Variants in INSRR observed in about 807,000 individuals in gnomAD.
The protein encoded by INSRR is insulin receptor-related protein.
Under a neutral mutation model 130.0 loss-of-function variants are expected in INSRR, and 114 were observed. That is an observed-to-expected ratio of 0.88 (90% CI 0.75 to 1.02). The LOEUF (loss-of-function observed/expected upper bound fraction) is 1.02, where lower values mean the gene tolerates loss of function less well. Among genes scored for constraint, INSRR ranks in the 50% least tolerant of loss-of-function variants. The pLI, the probability that INSRR is intolerant of heterozygous loss-of-function variation, is 0.00. For synonymous variants in INSRR, 674 were observed against 705.2 expected, an observed-to-expected ratio of 0.96 and a Z score of 0.70; for missense variants, 1,657 against 1,735.2, an observed-to-expected ratio of 0.95 and a Z score of 0.80.
Position 156,854,856 on chromosome 1 carries a change from G to A in INSRR, c.86-553C>T, listed in dbSNP as rs1471821345. On this transcript the variant is annotated intron_variant, in intron 1 of 21. Transcript: ENST00000368195. This position sits in a 1 kb window ranked among gnomAD's most constrained non-coding sequence, Gnocchi z 4.2. The stretch of plus-strand genomic sequence containing the variant: ...TGATCTCAAAACACAGATGGATCAC[G>A]TTTCTCCTCTGCTTATAACCCCCCG... Among the ~76,000 whole-genome samples the A allele has an allele frequency of 3.3e-5, 5 of 151,982 alleles. No individual in the cohort carries two copies. In the South Asian group the frequency reaches 6.2e-4, roughly 19 times the overall value.
Position 156,845,614 on chromosome 1 carries a change from C to T in INSRR, c.2174+5G>A. The T allele has an allele frequency of 1.3e-6, 2 of 1,531,852 alleles. No homozygotes were observed. Among genetic ancestry groups the T allele is most frequent in the South Asian group, 1.1e-5 (1 of 88,894 alleles). The allele number at this position is 1,531,852 out of a possible 1,614,324, so 94.9% of individuals were successfully genotyped here. On this transcript the variant is annotated splice_donor_5th_base_variant and intron_variant, in intron 10 of 21. Transcript: ENST00000368195. The stretch of plus-strand genomic sequence containing the variant: ...ACCCTCCCAGGCCGCGCGCGCTCTT[C>T]GCACATGGGGATGGTGATCGCGTTG...
intron 17 of INSRR, 64 bp from the exon 18 acceptor site, chr1:156,842,572 G>T: frequency 8.2e-7 from 1 of 1,215,630 alleles, no homozygotes; most frequent in East Asian, 2.4e-5. Context: ...CCAAAATTCT[G>T]ATCTGCTATG....
chr1:156,856,530 C>G (rs947227363), intron 1 of INSRR, among the ~76,000 whole-genome samples: 9 of 152,190 alleles, frequency 5.9e-5, no homozygotes, highest in Non-Finnish European at 1.3e-4. Flanking sequence ...GTCCTTCAGC[C>G]TCTCGGGTCA....
In INSRR at chr1:156,853,796, C is replaced by A; in HGVS notation, c.593G>T (p.Gly198Val). The stretch of plus-strand genomic sequence containing the variant: ...GGTCCAGCATCTGTAGTCAGTGTGC[C>A]CGCTGAAGGTGGTCTTGGCACAGGG... ...GEPCAKTTFS[G>V]HTDYRCWTSS... is the part of the protein sequence containing the mutation. Residue 198 changes from glycine (G) to valine (V), a missense_variant, in exon 2 of 22, where the codon GGG (glycine) becomes GTG (valine). Physicochemically the swap from Gly to Val is moderately radical, Grantham distance 109. Coordinates refer to ENST00000368195, the MANE Select transcript of INSRR (RefSeq NM_014215.3). The A allele has an allele frequency of 6.2e-7, 1 of 1,610,640 alleles. No homozygotes were observed. The highest frequency in any genetic ancestry group is 8.5e-7 in the Non-Finnish European group (1 of 1,177,446).
At position 156,846,109 on chromosome 1, in the gene INSRR, C is replaced by T. The variant is rs754156567; in HGVS notation, c.1821G>A (p.Val607=). Residue 607 remains valine (V), a synonymous_variant, in exon 9 of 22, where the codon GTG becomes GTA. Coordinates refer to ENST00000368195, the MANE Select transcript of INSRR (RefSeq NM_014215.3). ...TGGACGTGGAGATGACGTCTTGGGG[C>T]ACCGTGGGAGCTAGGAGTGCGAGAA... is the stretch of plus-strand genomic sequence containing the variant. ...YLRTLPAAPT[V]PQDVISTSNS... is the part of the protein sequence containing the mutation. 1 of 1,599,662 alleles carries T rather than the reference C, an allele frequency of 6.3e-7. No individual in the cohort carries two copies. Among genetic ancestry groups the T allele is most frequent in the Non-Finnish European group, 8.5e-7 (1 of 1,172,576 alleles).
In INSRR at chr1:156,845,200, T is replaced by A. The variant is rs777638206; in HGVS notation, c.2313A>T (p.Arg771=). 6.2e-7 allele frequency: 1 copy of A among 1,609,518 alleles called. No individual in the cohort carries two copies. The highest frequency in any genetic ancestry group is 8.5e-7 in the Non-Finnish European group (1 of 1,178,340). The change falls in exon 12 of 22, where the codon CGA becomes CGT. Residue 771 remains arginine, a synonymous_variant. Coordinates refer to ENST00000368195, the MANE Select transcript of INSRR (RefSeq NM_014215.3). ...AGTGGCGCAGGCCGCTCAGCACCGC[T>A]CGCTCACGGGGCACCTTGTCCTCCT... The part of the protein sequence containing the change: ...EIQEDKVPRE[R]AVLSGLRHFT...
In INSRR at chr1:156,845,671, A is replaced by G. The variant is rs772798490; in HGVS notation, c.2122T>C (p.Ser708Pro). 3 of 1,610,574 alleles carry G rather than the reference A, an allele frequency of 1.9e-6. No homozygotes were observed. In the African/African-American group the frequency reaches 4.0e-5, roughly 22 times the overall value. ...VLPPLEAQEA[S>P]FQKKFENFLH... Reference sequence around the variant, plus strand: ...AAGTTTTCAAACTTCTTCTGGAACGAGGCCTCTTGCGCCTCCAGCGGGGGC... The same window carrying G: ...AAGTTTTCAAACTTCTTCTGGAACGGGGCCTCTTGCGCCTCCAGCGGGGGC... Residue 708 changes from serine (S) to proline (P), a missense_variant, in exon 10 of 22, where the codon TCG becomes CCG. Coordinates refer to ENST00000368195, the MANE Select transcript of INSRR (RefSeq NM_014215.3).
At position 156,843,098 on chromosome 1, in the gene INSRR, G is replaced by C. The variant is rs1357633236; in HGVS notation, c.3032C>G (p.Ala1011Gly). ...GGCCAGCTCATTCACCGTCTTCAGG[G>C]CCACGGGTGTGGACTCCTCTCCAGC... is the stretch of plus-strand genomic sequence containing the variant. ...LEAGEESTPV[A>G]LKTVNELASP... Residue 1011 changes from alanine to glycine, a missense_variant, in exon 17 of 22, where the codon GCC becomes GGC. Ala to Gly is a moderately conservative substitution (Grantham distance 60). Transcript: ENST00000368195. The C allele has an allele frequency of 1.2e-6, 2 of 1,614,120 alleles. No individual in the cohort carries two copies. Among genetic ancestry groups the C allele is most frequent in the East Asian group, 4.5e-5 (2 of 44,876 alleles).
At chr1:156,841,887 C>T in intron 19 of INSRR, 93 bp from the exon 20 acceptor site, 1 of 1,603,316 alleles carries the variant, frequency 6.2e-7, no homozygotes. Flanking sequence ...TCTTCTCATC[C>T]TCCAGAGTCA....
Position 156,851,665 on chromosome 1 carries a change from G to A in INSRR, c.1065C>T (p.Ile355=). The part of the protein sequence containing the change: ...VGCTHVEGSL[I]LNLRQGYNLE... ...ACTGACAGCCCTGGCGAAGGTTGAGGATGAGGCTTCCCTCCACATGCGTGC... is the reference window on the plus strand; with the variant it reads ...ACTGACAGCCCTGGCGAAGGTTGAGAATGAGGCTTCCCTCCACATGCGTGC... The change falls in exon 4 of 22, where the codon ATC becomes ATT. Residue 355 remains isoleucine (I), a synonymous_variant. Coordinates refer to ENST00000368195, the MANE Select transcript of INSRR (RefSeq NM_014215.3). 1 of 1,614,204 alleles carries A rather than the reference G, an allele frequency of 6.2e-7. No individual in the cohort carries two copies. The highest frequency in any genetic ancestry group is 8.5e-7 in the Non-Finnish European group (1 of 1,180,016).
rs144234948 is a variant in INSRR at position 156,842,497 on chromosome 1, C to G, written c.3138G>C (p.Leu1046=). 24 of 1,613,970 alleles carry G rather than the reference C, an allele frequency of 1.5e-5. 1 individual carries two copies. In the African/African-American group the frequency reaches 2.5e-4, roughly 17 times the overall value. The change falls in exon 18 of 22, where the codon CTG becomes CTC. Residue 1046 remains leucine, a synonymous_variant. Coordinates refer to ENST00000368195, the MANE Select transcript of INSRR (RefSeq NM_014215.3). ...TTGGCTGGCCCTGAGATACCACACC[C>G]AGGAGACGCACCTGGGACAGACAAA... is the stretch of plus-strand genomic sequence containing the variant. ...AFKCHHVVRL[L]GVVSQGQPTL...
Position 156,846,510 on chromosome 1 carries a change from A to G in INSRR, c.1810+9T>C, listed in dbSNP as rs1655013987. The G allele has an allele frequency of 3.1e-6, 5 of 1,609,196 alleles. No individual in the cohort carries two copies. The highest frequency in any genetic ancestry group is 4.3e-6 in the Non-Finnish European group (5 of 1,175,826). On this transcript the variant is annotated intron_variant, in intron 8 of 21. Transcript: ENST00000368195. ...GTCTGACTGACTCTTGCACCCTCCA[A>G]ATGCCTACCTGCAGGCAGCGTTCGG...
chr1:156,841,832 A>G (rs1293135161), intron 19 of INSRR, 38 bp from the exon 20 acceptor site: 5 of 1,614,068 alleles, frequency 3.1e-6, no homozygotes, highest in Non-Finnish European at 4.2e-6. Flanking sequence ...GGTGTGGGGC[A>G]TAAGAGCCAC....
At chr1:156,844,953 T>C (rs924773369) in intron 12 of INSRR, 110 bp from the exon 13 acceptor site, 6 of 1,558,872 alleles carry the variant, frequency 3.8e-6, no homozygotes, top group Non-Finnish European at 5.2e-6. Flanking sequence ...TTTGGGATTA[T>C]GGGAACTGAG....
chr1:156,855,138 G>A (rs1655361214), intron 1 of INSRR, among the ~76,000 whole-genome samples: 1 of 150,680 alleles, frequency 6.6e-6, no homozygotes, highest in African/African-American at 2.4e-5. Flanking sequence ...CTGGCCAAAT[G>A]TCCCCTTCTC....
At chr1:156,847,442 G>GC (rs1320983048) in intron 7 of INSRR, among the ~76,000 whole-genome samples, 2 of 152,220 alleles carry the variant, frequency 1.3e-5, no homozygotes, top group South Asian at 2.1e-4. Flanking sequence ...ATGACAGTGG[G>GC]CCCCCCATGG....
intron 1 of INSRR, among the ~76,000 whole-genome samples, chr1:156,857,518 C>T (rs1327683130): frequency 6.6e-6 from 1 of 152,234 alleles, no homozygotes; most frequent in East Asian, 1.9e-4. Context: ...CAAGGATGTG[C>T]TCCTGTCCTG....
Position 156,843,454 on chromosome 1 carries a change from T to C in INSRR, c.2869A>G (p.Asn957Asp), listed in dbSNP as rs1654876309. The C allele has an allele frequency of 6.2e-7, 1 of 1,614,126 alleles. No homozygotes were observed. Among genetic ancestry groups the C allele is most frequent in the Admixed American group, 1.7e-5 (1 of 60,008 alleles). ...KRNRTLYASV[N>D]PEYFSASDMY... ...TCAGAGGCGCTGAAGTACTCTGGAT[T>C]CACAGAAGCATACAGGGTTCTGTTT... The change falls in exon 16 of 22, where the codon AAT becomes GAT. Residue 957 changes from asparagine (N) to aspartate (D), a missense_variant. Physicochemically the swap from Asn to Asp is conservative, Grantham distance 23. Coordinates refer to ENST00000368195, the MANE Select transcript of INSRR (RefSeq NM_014215.3).
intron 3 of INSRR, 23 bp downstream of exon 3, chr1:156,851,864 GC>G (rs764321295): frequency 6.4e-7 from 1 of 1,574,108 alleles, no homozygotes. Context: ...CTCCCAGGGT[GC>G]CCCCCACCCT....
Sources: gnomAD v4.1 joint callset for allele counts (sites outside exome capture counted in the v4.1 genomes callset) on GRCh38, gnomAD v4.1.1 for gene constraint, Gnocchi (gnomAD v3.1) non-coding constraint, MANE v1.5 for transcripts, NCBI Gene and HGNC (gene_info 2026-07-23, HGNC 2026-07-21) for gene names.